Variants in TSHZ3 observed in about 807,000 individuals in gnomAD.
TSHZ3 encodes the protein teashirt homolog 3.
A neutral mutation model predicts 64.5 loss-of-function variants in TSHZ3; 10 were observed. That is an observed-to-expected ratio of 0.16 (90% CI 0.10 to 0.26). TSHZ3 has a LOEUF of 0.26. Among genes scored for constraint, TSHZ3 ranks in the 10% least tolerant of loss-of-function variants. TSHZ3 has a pLI of 1.00. For missense variants in TSHZ3, 1,242 were observed against 1,421.7 expected, an observed-to-expected ratio of 0.87 and a Z score of 2.03; for synonymous variants, 608 against 593.1, an observed-to-expected ratio of 1.03 and a Z score of -0.36.
rs1469512720 is a variant in TSHZ3 at position 31,278,914 on chromosome 19, A to G, written c.879T>C (p.His293=). The part of the protein sequence containing the change: ...SFESLQDLSV[H]MIKTKHYQKV... ...TTTGGTAGTGTTTTGTTTTGATCAT[A>G]TGGACACTCAAATCCTGCAGGGACT... The change falls in exon 2 of 2, where the codon CAT becomes CAC. Residue 293 remains histidine, a synonymous_variant. Transcript: ENST00000240587. The surrounding 1 kb of genome is among the most constrained non-coding windows in gnomAD (Gnocchi z 4.7). The G allele has an allele frequency of 6.2e-7, 1 of 1,613,928 alleles. No individual in the cohort carries two copies. The highest frequency in any genetic ancestry group is 2.2e-5 in the East Asian group (1 of 44,868).
intron 1 of TSHZ3, among the ~76,000 whole-genome samples, chr19:31,243,052 T>C (rs544115971): frequency 2.6e-5 from 4 of 152,326 alleles, no homozygotes; most frequent in Admixed American, 2.6e-4. Flanking sequence ...AATAATGCTC[T>C]ATCAGCTATC....
At chr19:31,301,837 G>T (rs1007984057) in intron 1 of TSHZ3, among the ~76,000 whole-genome samples, 1 of 152,056 alleles carries the variant, frequency 6.6e-6, no homozygotes, top group Non-Finnish European at 1.5e-5. Context: ...GCTGCCTTTG[G>T]TAAGGCACAC....
At position 31,349,364 on chromosome 19, in the gene TSHZ3, G is replaced by T; in HGVS notation, c.-145C>A. 1.5e-6 allele frequency: 1 copy of T among 647,076 alleles called. No individual in the cohort carries two copies. The highest frequency in any genetic ancestry group is 2.3e-6 in the Non-Finnish European group (1 of 434,904). The allele number at this position is 647,076 out of a possible 1,614,324, so 40.1% of individuals were successfully genotyped here. On this transcript the variant is annotated 5_prime_UTR_variant, in exon 1 of 2. Transcript: ENST00000240587. Reference sequence around the variant, plus strand: ...GGAGAGCGGCCGCCCGCAGGATGCTGCTGCGCCCAGGCTCTCCGCGTCCCC... The same window carrying T: ...GGAGAGCGGCCGCCCGCAGGATGCTTCTGCGCCCAGGCTCTCCGCGTCCCC...
At chr19:31,343,774 GTTT>G (rs765231750) in intron 1 of TSHZ3, among the ~76,000 whole-genome samples, 1 of 146,908 alleles carries the variant, frequency 6.8e-6, no homozygotes, top group Non-Finnish European at 1.5e-5. Flanking sequence ...TACAATTCAG[GTTT>G]TTTTTTTGTT....
At chr19:31,349,005 C>T in intron 1 of TSHZ3, 175 bp downstream of exon 1, 1 of 770,868 alleles carries the variant, frequency 1.3e-6, no homozygotes, top group South Asian at 2.1e-5. Context: ...GCGGGGCGTC[C>T]GGGGGGCGCC....
At chr19:31,280,157 A>G (rs1018166838) in intron 1 of TSHZ3, among the ~76,000 whole-genome samples, 2 of 152,042 alleles carry the variant, frequency 1.3e-5, no homozygotes, top group Admixed American at 6.6e-5. Context: ...TGCTTCTCCT[A>G]CCCCTAATGC....
At chr19:31,231,337 C>T (rs1975536668) in intron 3 of TSHZ3, among the ~76,000 whole-genome samples, 1 of 152,096 alleles carries the variant, frequency 6.6e-6, no homozygotes, top group African/African-American at 2.4e-5. Flanking sequence ...AGTCTGATGC[C>T]AAAGCCCCTG....
intron 1 of TSHZ3, among the ~76,000 whole-genome samples, chr19:31,256,303 C>T (rs996840101): frequency 6.6e-6 from 1 of 152,134 alleles, no homozygotes; most frequent in African/African-American, 2.4e-5. Context: ...TAGAATCCAA[C>T]ACACCCTCTG....
Position 31,205,369 on chromosome 19 carries a change from T to G in TSHZ3, n.687-291A>C, listed in dbSNP as rs80179621. Among the ~76,000 whole-genome samples, 1,043 of 152,304 alleles carry G rather than the reference T, an allele frequency of 6.8e-3. 17 individuals carry two copies. Among genetic ancestry groups the G allele is most frequent in the African/African-American group, 0.024 (996 of 41,562 alleles). ...CCTTTCCTGCCCCTTTTTTATTCCA[T>G]TATGGACAGAGCTGACTGTATCTCT... On this transcript the variant is annotated intron_variant and non_coding_transcript_variant, in intron 4 of 6. Coordinates refer to the TSHZ3 transcript ENST00000651361.
intron 1 of TSHZ3, among the ~76,000 whole-genome samples, chr19:31,285,258 A>T (rs1976436350): frequency 6.6e-6 from 1 of 151,750 alleles, no homozygotes; most frequent in African/African-American, 2.4e-5. Context: ...GGTGGAAGAA[A>T]TGCTTGAGCC....
intron 1 of TSHZ3, among the ~76,000 whole-genome samples, chr19:31,300,807 A>C (rs772837183): frequency 3.9e-5 from 6 of 152,046 alleles, no homozygotes; most frequent in Non-Finnish European, 8.8e-5. Flanking sequence ...TCCTCCATCC[A>C]CCCAGAACCA....
chr19:31,326,065 T>C (rs1406120284), intron 1 of TSHZ3, among the ~76,000 whole-genome samples: 2 of 152,246 alleles, frequency 1.3e-5, no homozygotes, highest in African/African-American at 4.8e-5. Flanking sequence ...TCCATGTATC[T>C]TAACTTTTGG....
At chr19:31,249,347 A>G (rs1214827035) in intron 1 of TSHZ3, among the ~76,000 whole-genome samples, 7 of 152,164 alleles carry the variant, frequency 4.6e-5, no homozygotes, top group Admixed American at 1.3e-4. Flanking sequence ...AGTTGGATCT[A>G]GCTTTGGAAA....
At chr19:31,317,186 A>AG (rs1916626773) in intron 1 of TSHZ3, among the ~76,000 whole-genome samples, 1 of 151,914 alleles carries the variant, frequency 6.6e-6, no homozygotes, top group Admixed American at 6.6e-5. Flanking sequence ...CCTCCCCTCC[A>AG]GCTCTCTGGG....
chr19:31,277,996 C>T lies in TSHZ3; in HGVS notation c.1797G>A (p.Thr599=), dbSNP rs201760078. 226 of 1,613,942 alleles carry T rather than the reference C, an allele frequency of 1.4e-4. 4 individuals carry two copies. The highest frequency in any genetic ancestry group is 8.6e-4 in the South Asian group (78 of 91,058). Residue 599 remains threonine (T), a synonymous_variant, in exon 2 of 2, where the codon ACG becomes ACA. Transcript: ENST00000240587. This position sits in a 1 kb window ranked among gnomAD's most constrained non-coding sequence, Gnocchi z 4.5. ...GAAAGTTTGTCTTGGGCATGGGGGA[C>T]GTCTGGCTGCTGGGTGGAGAGACCA... ...QTLVSPPSSQ[T]SPMPKTNFHA...
intron 3 of TSHZ3, among the ~76,000 whole-genome samples, chr19:31,233,238 G>A (rs1040928534): frequency 2.0e-5 from 3 of 152,110 alleles, no homozygotes; most frequent in African/African-American, 7.2e-5. Context: ...ACAATGCTTG[G>A]TCTTGTCAGT....
At chr19:31,204,596 T>A (rs1975138399) in intron 5 of TSHZ3, 1 of 152,256 alleles carries the variant, frequency 6.6e-6, no homozygotes, top group South Asian at 2.1e-4. Flanking sequence ...TTGTTATTGT[T>A]GTTTTAATCT....
chr19:31,307,734 T>C (rs992206104), intron 1 of TSHZ3, among the ~76,000 whole-genome samples: 2 of 152,206 alleles, frequency 1.3e-5, no homozygotes, highest in Non-Finnish European at 2.9e-5. Context: ...GTTCGGCCAA[T>C]GTGTCAAGCA....
chr19:31,292,953 C>A (rs1223196346), intron 1 of TSHZ3, among the ~76,000 whole-genome samples: 2 of 147,134 alleles, frequency 1.4e-5, no homozygotes, highest in East Asian at 3.9e-4. Context: ...AAAAACCCAT[C>A]CATCCAACCA....
Sources: gnomAD v4.1 joint callset for allele counts (sites outside exome capture counted in the v4.1 genomes callset) on GRCh38, gnomAD v4.1.1 for gene constraint, Gnocchi (gnomAD v3.1) non-coding constraint, MANE v1.5 for transcripts, NCBI Gene and HGNC (gene_info 2026-07-23, HGNC 2026-07-21) for gene names.